RP1: variants seen among roughly 807,000 people sequenced by gnomAD.
The protein encoded by RP1 is RP1 axonemal microtubule associated.
Under a neutral mutation model 14.8 loss-of-function variants are expected in RP1, and 16 were observed. The observed-to-expected ratio is 1.08, with a 90% CI of 0.73 to 1.65. The LOEUF is 1.65. RP1 is among the 40% of genes most tolerant of loss of function. RP1 has a pLI of 0.00. For missense variants in RP1, 2,631 were observed against 2,535.0 expected, an observed-to-expected ratio of 1.04 and a Z score of -0.81; for synonymous variants, 876 against 883.6, an observed-to-expected ratio of 0.99 and a Z score of 0.15.
chr8:54,817,769 T>G (rs906220818), intron 24 of RP1, among the ~76,000 whole-genome samples: 6 of 152,216 alleles, frequency 3.9e-5, no homozygotes, highest in Non-Finnish European at 8.8e-5. Context: ...ATTTTACTGA[T>G]GTTCACACAT....
downstream of RP1, among the ~76,000 whole-genome samples, chr8:54,632,895 G>T (rs1444983888): frequency 6.6e-6 from 1 of 152,108 alleles, no homozygotes; most frequent in Non-Finnish European, 1.5e-5. Context: ...AGTACCTGAA[G>T]GGCTGAGTAT....
intron 27 of RP1, among the ~76,000 whole-genome samples, chr8:54,859,208 T>C (rs1359868768): frequency 1.3e-5 from 2 of 151,780 alleles, no homozygotes; most frequent in Non-Finnish European, 2.9e-5. Flanking sequence ...AATGTCACTG[T>C]GGAGCAGCAC....
At chr8:54,837,538 T>A in exon 25 of RP1, 1 of 1,231,766 alleles carries the variant, frequency 8.1e-7, no homozygotes, top group Non-Finnish European at 1.0e-6. Flanking sequence ...CTGGAAGAAG[T>A]TAGACTTGAA....
chr8:54,767,720 CTT>C (rs1809794971), intron 22 of RP1, among the ~76,000 whole-genome samples: 1 of 152,128 alleles, frequency 6.6e-6, no homozygotes, highest in Non-Finnish European at 1.5e-5. Flanking sequence ...AAAGTAAACT[CTT>C]TACATACATA....
chr8:54,629,407 G>C lies in RP1; in HGVS notation c.5525G>C (p.Cys1842Ser). The C allele has an allele frequency of 1.2e-6, 2 of 1,614,096 alleles. No homozygotes were observed. The highest frequency in any genetic ancestry group is 1.1e-5 in the South Asian group (1 of 91,082). Reference protein sequence around the residue: ...EDLLDVRNETCAKERIANHHT... With the variant: ...EDLLDVRNETSAKERIANHHT... ...TTGCTGGATGTTCGCAATGAAACCT[G>C]TGCCAAGGAAAGAATAGCAAATCAT... Residue 1842 changes from cysteine to serine, a missense_variant, in exon 4 of 4, where the codon TGT (cysteine) becomes TCT (serine). Coordinates refer to ENST00000220676, the MANE Select transcript of RP1 (RefSeq NM_006269.2).
intron 1 of RP1, among the ~76,000 whole-genome samples, chr8:54,609,286 C>A (rs988683576): frequency 6.6e-6 from 1 of 151,628 alleles, no homozygotes; most frequent in Admixed American, 6.6e-5. Context: ...CAAAGTGAGA[C>A]CCAGTCTTAA....
At chr8:54,604,166 T>G (rs1023408009) in intron 1 of RP1, among the ~76,000 whole-genome samples, 4 of 152,110 alleles carry the variant, frequency 2.6e-5, no homozygotes, top group Admixed American at 2.0e-4. Context: ...ATGATATTGG[T>G]TGTGGGTTTG....
chr8:54,768,293 C>G (rs1175797502), intron 22 of RP1, among the ~76,000 whole-genome samples: 4 of 152,212 alleles, frequency 2.6e-5, no homozygotes, highest in Non-Finnish European at 2.9e-5. Flanking sequence ...CCCATTCCTG[C>G]AATTGAGTTG....
chr8:54,726,913 A>G (rs982014340), intron 17 of RP1, among the ~76,000 whole-genome samples: 6 of 152,066 alleles, frequency 3.9e-5, no homozygotes, highest in African/African-American at 9.7e-5. Flanking sequence ...TAGTTTCTAT[A>G]TTGGTCCATT....
At chr8:54,765,063 C>T (rs1041205861) in intron 22 of RP1, among the ~76,000 whole-genome samples, 4 of 152,234 alleles carry the variant, frequency 2.6e-5, no homozygotes, top group South Asian at 2.1e-4. Context: ...CAGAGAGCGG[C>T]GTTTCTGCTG....
At chr8:54,566,296 C>T (rs1416294559) in intron 1 of RP1, among the ~76,000 whole-genome samples, 1 of 152,028 alleles carries the variant, frequency 6.6e-6, no homozygotes, top group Non-Finnish European at 1.5e-5. Context: ...CAGTGTCGTC[C>T]TGATAAGAGA....
intron 15 of RP1, among the ~76,000 whole-genome samples, chr8:54,715,971 T>G (rs1808394921): frequency 6.6e-6 from 1 of 152,246 alleles, no homozygotes; most frequent in African/African-American, 2.4e-5. Flanking sequence ...TTGGAAATTT[T>G]CTATTGTGTA....
intron 12 of RP1, among the ~76,000 whole-genome samples, chr8:54,681,775 T>C (rs1325909622): frequency 1.3e-5 from 2 of 152,142 alleles, no homozygotes; most frequent in Non-Finnish European, 2.9e-5. Context: ...CTCCCACTTA[T>C]AAGTGAGAAC....
intron 1 of RP1, among the ~76,000 whole-genome samples, chr8:54,593,295 C>A (rs1482434001): frequency 6.6e-6 from 1 of 152,136 alleles, no homozygotes; most frequent in Non-Finnish European, 1.5e-5. Context: ...TATAGAACCA[C>A]CATTTTATTT....
chr8:54,590,754 C>T (rs1805028582), intron 1 of RP1, among the ~76,000 whole-genome samples: 1 of 152,200 alleles, frequency 6.6e-6, no homozygotes, highest in Non-Finnish European at 1.5e-5. Flanking sequence ...AATTTACATA[C>T]AGCTCCAGAT....
chr8:54,654,394 A>G (rs1472865415), intron 5 of RP1, among the ~76,000 whole-genome samples: 1 of 152,208 alleles, frequency 6.6e-6, no homozygotes, highest in Non-Finnish European at 1.5e-5. Context: ...AGATTACAAA[A>G]TAAAAAGTTC....
chr8:54,859,216 C>G (rs1321295739), intron 27 of RP1, among the ~76,000 whole-genome samples: 2 of 150,218 alleles, frequency 1.3e-5, no homozygotes, highest in Non-Finnish European at 3.0e-5. Flanking sequence ...TGTGGAGCAG[C>G]ACTGTCACTG....
At chr8:54,596,363 A>G (rs1480835386) in intron 1 of RP1, among the ~76,000 whole-genome samples, 2 of 152,176 alleles carry the variant, frequency 1.3e-5, no homozygotes, top group Non-Finnish European at 2.9e-5. Flanking sequence ...AGTTTGTTTC[A>G]TTGCATGAAC....
At chr8:54,780,716 G>A (rs567642155) in intron 23 of RP1, among the ~76,000 whole-genome samples, 7 of 152,132 alleles carry the variant, frequency 4.6e-5, no homozygotes, top group Non-Finnish European at 1.0e-4. Context: ...TATACAAAAG[G>A]ATGTGTGTAT....
Sources: allele counts gnomAD v4.1 joint callset (sites outside exome capture counted in the v4.1 genomes callset), GRCh38; gene constraint gnomAD v4.1.1; transcripts MANE v1.5; gene names NCBI Gene and HGNC (gene_info 2026-07-23, HGNC 2026-07-21).